Variants in CDC16 observed in about 807,000 individuals in gnomAD.
CDC16 encodes the protein cell division cycle protein 16 homolog.
In CDC16, 34 loss-of-function variants were observed where a neutral mutation model predicts 87.0. The observed-to-expected ratio is 0.39, with a 90% CI of 0.30 to 0.52. The LOEUF (loss-of-function observed/expected upper bound fraction) is 0.52, where lower values mean the gene tolerates loss of function less well. Ranked by LOEUF, CDC16 falls within the 20% of genes least tolerant of loss-of-function variation. CDC16 has a pLI of 0.74. For missense variants in CDC16, 653 were observed against 751.9 expected, an observed-to-expected ratio of 0.87 and a Z score of 1.54; for synonymous variants, 263 against 260.6, an observed-to-expected ratio of 1.01 and a Z score of -0.09.
At chr13:114,242,335 AT>A (rs776975990) in intron 6 of CDC16, 55 bp downstream of exon 6, 2 of 1,538,352 alleles carry the variant, frequency 1.3e-6, no homozygotes, top group South Asian at 1.2e-5. Context: ...TATTGTTTGG[AT>A]TTTTTGCCTC....
intron 15 of CDC16, among the ~76,000 whole-genome samples, chr13:114,262,434 A>G (rs952492403): frequency 3.9e-5 from 6 of 152,200 alleles, no homozygotes; most frequent in African/African-American, 1.4e-4. Context: ...TTTTTTCACA[A>G]AAGACTTTAC....
chr13:114,244,041 A>G (rs2081708287), intron 8 of CDC16, 52 bp downstream of exon 8: 2 of 1,297,386 alleles, frequency 1.5e-6, no homozygotes, highest in Middle Eastern at 1.9e-4. Flanking sequence ...ACTCCATCTT[A>G]CCTAGGTGAT....
At chr13:114,270,983 G>C (rs2083600681) in intron 17 of CDC16, among the ~76,000 whole-genome samples, 1 of 141,342 alleles carries the variant, frequency 7.1e-6, no homozygotes, top group Admixed American at 7.5e-5. Context: ...GTGCAGTGGT[G>C]CAATCCTGGC....
intron 17 of CDC16, 70 bp downstream of exon 17, chr13:114,265,310 T>G (rs1259404521): frequency 1.0e-6 from 1 of 960,312 alleles, no homozygotes; most frequent in Admixed American, 1.7e-5. Flanking sequence ...CTGTTTATGT[T>G]TCTCATATTC....
At chr13:114,239,289 G>C in intron 4 of CDC16, 61 bp from the exon 5 acceptor site, 2 of 1,541,434 alleles carry the variant, frequency 1.3e-6, no homozygotes, top group South Asian at 1.2e-5. Flanking sequence ...TTAAAAATTC[G>C]GATCATGTGT....
intron 17 of CDC16, among the ~76,000 whole-genome samples, chr13:114,271,217 G>A (rs990835176): frequency 3.3e-5 from 5 of 152,062 alleles, no homozygotes; most frequent in South Asian, 2.1e-4. Context: ...CATCGCGCCC[G>A]GCCAAGATTT....
chr13:114,270,201 C>T (rs1230503240), intron 17 of CDC16, among the ~76,000 whole-genome samples: 4 of 152,064 alleles, frequency 2.6e-5, no homozygotes, highest in African/African-American at 7.2e-5. Flanking sequence ...GCTTGGCTTC[C>T]GGGGAGGCCT....
chr13:114,268,445 C>T (rs2083390592), intron 17 of CDC16, among the ~76,000 whole-genome samples: 2 of 152,190 alleles, frequency 1.3e-5, no homozygotes, highest in Admixed American at 6.5e-5. Flanking sequence ...GAGCAAGCAG[C>T]TGATGAGCCC....
intron 12 of CDC16, among the ~76,000 whole-genome samples, chr13:114,256,138 C>G (rs764712663): frequency 6.6e-6 from 1 of 152,184 alleles, no homozygotes; most frequent in Non-Finnish European, 1.5e-5. Context: ...GTTGTTCTTA[C>G]TGAGATTTAG....
intron 13 of CDC16, among the ~76,000 whole-genome samples, chr13:114,258,296 T>C (rs760566117): frequency 1.3e-5 from 2 of 152,244 alleles, no homozygotes; most frequent in Non-Finnish European, 2.9e-5. Flanking sequence ...TTCTGAGCCA[T>C]TGGCAGACAT....
chr13:114,259,246 A>T (rs904062727), intron 13 of CDC16, 89 bp from the exon 14 acceptor site: 2 of 736,602 alleles, frequency 2.7e-6, no homozygotes, highest in Non-Finnish European at 4.4e-6. Flanking sequence ...ATTGCATTTT[A>T]GTACTACTAG....
intron 1 of CDC16, 147 bp from the exon 2 acceptor site, chr13:114,236,498 G>A (rs749641728): frequency 2.5e-5 from 16 of 635,506 alleles, no homozygotes; most frequent in Non-Finnish European, 3.1e-5. Context: ...GTAAGATAGA[G>A]ATGTAACAAA....
At chr13:114,235,986 C>T (rs1373808894) in intron 1 of CDC16, among the ~76,000 whole-genome samples, 1 of 152,204 alleles carries the variant, frequency 6.6e-6, no homozygotes, top group Non-Finnish European at 1.5e-5. Flanking sequence ...CTCGGGCTAG[C>T]AGCAGTGGTC....
At chr13:114,235,684 GTTGT>G (rs1205238240) in intron 1 of CDC16, among the ~76,000 whole-genome samples, 4 of 152,114 alleles carry the variant, frequency 2.6e-5, no homozygotes, top group African/African-American at 9.7e-5. Context: ...TATCTATATT[GTTGT>G]TTATTTTTTG....
At chr13:114,259,599 G>T (rs963643095) in intron 14 of CDC16, among the ~76,000 whole-genome samples, 1 of 152,210 alleles carries the variant, frequency 6.6e-6, no homozygotes, top group African/African-American at 2.4e-5. Flanking sequence ...GAGGGCAAGT[G>T]TTGGCGTTTG....
chr13:114,258,372 A>G (rs1214706700), intron 13 of CDC16, among the ~76,000 whole-genome samples: 1 of 152,190 alleles, frequency 6.6e-6, no homozygotes, highest in Non-Finnish European at 1.5e-5. Context: ...TAAGAAGGCA[A>G]CGCTCTGCCT....
At chr13:114,247,307 C>T (rs2081925475) in intron 11 of CDC16, 2 of 294,656 alleles carry the variant, frequency 6.8e-6, no homozygotes, top group Non-Finnish European at 6.3e-6. Context: ...GGACTACAGG[C>T]ACCACCATGC....
intron 11 of CDC16, among the ~76,000 whole-genome samples, chr13:114,249,625 T>C (rs1448832360): frequency 1.3e-5 from 2 of 152,378 alleles, no homozygotes; most frequent in African/African-American, 4.8e-5. Flanking sequence ...AATTATTCAC[T>C]GATATATATG....
At position 114,243,876 on chromosome 13, in the gene CDC16, G is replaced by A. The variant is rs760516771; in HGVS notation, c.654G>A (p.Thr218=). 8 of 1,609,610 alleles carry A rather than the reference G, an allele frequency of 5.0e-6. No individual in the cohort carries two copies. Among genetic ancestry groups the A allele is most frequent in the South Asian group, 3.3e-5 (3 of 90,748 alleles). Residue 218 remains threonine, a synonymous_variant, in exon 8 of 18, where the codon ACG becomes ACA. Transcript: ENST00000356221. ...KLKKYNKPSE[T]VIPESVDGLQ... ...TTCAGTATAATAAGCCTAGTGAAAC[G>A]GTCATCCCTGAATCTGTAGATGGCT... is the stretch of plus-strand genomic sequence containing the variant.
Sources: gnomAD v4.1 joint callset for allele counts (sites outside exome capture counted in the v4.1 genomes callset) on GRCh38, gnomAD v4.1.1 for gene constraint, MANE v1.5 for transcripts, NCBI Gene and HGNC (gene_info 2026-07-23, HGNC 2026-07-21) for gene names.